The following CDH4 variants were observed in gnomAD, a reference collection of about 807,000 sequenced individuals.
CDH4 encodes cadherin 4.
Under a neutral mutation model 86.0 loss-of-function variants are expected in CDH4, and 33 were observed. The ratio of observed to expected loss-of-function variants is 0.38; its 90% CI spans 0.29 to 0.51. The LOEUF (loss-of-function observed/expected upper bound fraction) is 0.51, where lower values mean the gene tolerates loss of function less well. Among genes scored for constraint, CDH4 ranks in the 20% least tolerant of loss-of-function variants. CDH4 has a pLI of 0.86. For missense variants in CDH4, 1,114 were observed against 1,307.4 expected (o/e 0.85, Z 2.28); for synonymous variants, 555 against 549.4 (o/e 1.01, Z -0.14).
At chr20:61,461,060 T>C (rs1280514952) in intron 2 of CDH4, among the ~76,000 whole-genome samples, 1 of 152,160 alleles carries the variant, frequency 6.6e-6, no homozygotes, top group African/African-American at 2.4e-5. Flanking sequence ...AGGTTCCTAA[T>C]ACAGGACTTG....
chr20:61,775,621 CCAAT>C (rs1162152714), intron 4 of CDH4, among the ~76,000 whole-genome samples: 1 of 152,168 alleles, frequency 6.6e-6, no homozygotes, highest in Non-Finnish European at 1.5e-5. Flanking sequence ...TTGACAACTG[CCAAT>C]CAGACACTTT....
intron 2 of CDH4, among the ~76,000 whole-genome samples, chr20:61,507,143 A>G (rs2085746664): frequency 6.6e-6 from 1 of 152,216 alleles, no homozygotes; most frequent in Non-Finnish European, 1.5e-5. Context: ...CAGATGCAAC[A>G]ACTAAAAATA....
chr20:61,818,017 CT>C (rs371510926), intron 4 of CDH4, among the ~76,000 whole-genome samples: 96 of 149,468 alleles, frequency 6.4e-4, no homozygotes, highest in East Asian at 3.2e-3. Flanking sequence ...CCTGCACTTT[CT>C]TTTTTTTTTT....
At chr20:61,896,352 G>A (rs1184477464) in intron 8 of CDH4, among the ~76,000 whole-genome samples, 3 of 152,218 alleles carry the variant, frequency 2.0e-5, no homozygotes, top group Non-Finnish European at 4.4e-5. Flanking sequence ...AGAGCCCCTC[G>A]CCACAGCGGC....
At chr20:61,357,957 T>G (rs2084761088) in intron 2 of CDH4, among the ~76,000 whole-genome samples, 1 of 152,170 alleles carries the variant, frequency 6.6e-6, no homozygotes, top group Non-Finnish European at 1.5e-5. Context: ...TAAGTGTATT[T>G]GGCAGGGCGT....
In CDH4 at chr20:61,252,760, G is replaced by C. The variant is rs1809898254; in HGVS notation, c.57+190G>C. ...GGTCGGCAGGAGCGGGAAGCCGCCT[G>C]GGCAGCGGGGAGCGGCGGAGCAGGG... On this transcript the variant is annotated intron_variant, in intron 1 of 15. Coordinates refer to ENST00000614565, the MANE Select transcript of CDH4 (RefSeq NM_001794.5). This position sits in a 1 kb window ranked among gnomAD's most constrained non-coding sequence, Gnocchi z 4.4. 6.6e-6 allele frequency among the ~76,000 whole-genome samples: 1 copy of C among 151,424 alleles called. No homozygotes were observed. Among genetic ancestry groups the C allele is most frequent in the South Asian group, 2.1e-4 (1 of 4,806 alleles).
intron 2 of CDH4, among the ~76,000 whole-genome samples, chr20:61,592,177 T>C (rs1425921431): frequency 1.3e-5 from 2 of 152,216 alleles, no homozygotes; most frequent in South Asian, 2.1e-4. Flanking sequence ...TGTGAGTTTG[T>C]CTGTACTTCC....
intron 2 of CDH4, among the ~76,000 whole-genome samples, chr20:61,558,044 G>T (rs529692390): frequency 1.3e-5 from 2 of 152,262 alleles, no homozygotes; most frequent in African/African-American, 4.8e-5. Flanking sequence ...TTTCAAGCTC[G>T]AGTTTTGGTG....
intron 3 of CDH4, chr20:61,755,183 C>T (rs759211752): frequency 1.3e-5 from 2 of 151,932 alleles, no homozygotes; most frequent in Non-Finnish European, 2.9e-5. Flanking sequence ...ATTGCCTCCC[C>T]CTGGGTTCCT....
intron 3 of CDH4, among the ~76,000 whole-genome samples, chr20:61,744,864 C>G (rs576944693): frequency 1.4e-4 from 21 of 152,354 alleles, no homozygotes; most frequent in African/African-American, 4.8e-4. Flanking sequence ...TCCCCTTCGC[C>G]TTGAGTGTCC....
In CDH4 at chr20:61,770,183, G is replaced by A. The variant is rs569696283; in HGVS notation, c.397-2820G>A. On this transcript the variant is annotated intron_variant, in intron 3 of 15. Transcript: ENST00000614565. Reference sequence around the variant, plus strand: ...CTTGTCATCATGAGGGGCTGAAGTCGAGACCCCTGGGTCTCCATGTTTGCA... The same window carrying A: ...CTTGTCATCATGAGGGGCTGAAGTCAAGACCCCTGGGTCTCCATGTTTGCA... 8.9e-4 allele frequency among the ~76,000 whole-genome samples: 136 copies of A among 152,278 alleles called. 1 individual carries two copies. The Middle Eastern group carries it at 0.01, about 11-fold the overall frequency.
chr20:61,805,814 G>A (rs1309365111), intron 4 of CDH4, among the ~76,000 whole-genome samples: 1 of 152,236 alleles, frequency 6.6e-6, no homozygotes, highest in Admixed American at 6.5e-5. Context: ...GGGTGCATGA[G>A]TTGTCACAGC....
intron 2 of CDH4, among the ~76,000 whole-genome samples, chr20:61,378,424 AG>A (rs1357605396): frequency 6.6e-6 from 1 of 152,124 alleles, no homozygotes; most frequent in Non-Finnish European, 1.5e-5. Flanking sequence ...TCTAAAATCA[AG>A]GTGTGGGCAG....
chr20:61,398,420 A>G (rs1353554910), intron 2 of CDH4, among the ~76,000 whole-genome samples: 5 of 152,236 alleles, frequency 3.3e-5, no homozygotes, highest in African/African-American at 1.2e-4. Context: ...GAATCATCGG[A>G]TGTGTATACA....
At chr20:61,531,118 G>C (rs1292572917) in intron 2 of CDH4, among the ~76,000 whole-genome samples, 22 of 151,844 alleles carry the variant, frequency 1.4e-4, no homozygotes, top group Admixed American at 1.4e-3. Context: ...GACCTGACCT[G>C]CTATATTTGA....
At chr20:61,566,056 T>TG (rs2086295262) in intron 2 of CDH4, among the ~76,000 whole-genome samples, 1 of 152,102 alleles carries the variant, frequency 6.6e-6, no homozygotes, top group Non-Finnish European at 1.5e-5. Context: ...CCACAGCCGG[T>TG]GGGTCGCTGG....
chr20:61,441,094 C>T (rs985516833), intron 2 of CDH4, among the ~76,000 whole-genome samples: 1 of 152,200 alleles, frequency 6.6e-6, no homozygotes, highest in Non-Finnish European at 1.5e-5. Context: ...GCAGAGATGA[C>T]TTCTTTGAGT....
At chr20:61,649,622 C>T (rs1189171884) in intron 2 of CDH4, among the ~76,000 whole-genome samples, 1 of 152,214 alleles carries the variant, frequency 6.6e-6, no homozygotes, top group Non-Finnish European at 1.5e-5. Flanking sequence ...GACTTGTAGG[C>T]TTGACTCCTG....
At chr20:61,669,155 A>G (rs1042906499) in intron 2 of CDH4, among the ~76,000 whole-genome samples, 6 of 152,246 alleles carry the variant, frequency 3.9e-5, no homozygotes, top group Admixed American at 2.0e-4. Flanking sequence ...CCTCGGGGCA[A>G]TAATTCCCTG....
Sources: allele counts gnomAD v4.1 joint callset (sites outside exome capture counted in the v4.1 genomes callset), GRCh38; gene constraint gnomAD v4.1.1; non-coding constraint Gnocchi (gnomAD v3.1); transcripts MANE v1.5; gene names NCBI Gene and HGNC (gene_info 2026-07-23, HGNC 2026-07-21).